Variants in KMT2C observed in about 807,000 individuals in gnomAD.
KMT2C encodes histone-lysine N-methyltransferase 2C.
A neutral mutation model predicts 507.9 loss-of-function variants in KMT2C; 88 were observed. That is an observed-to-expected ratio of 0.17 (90% CI 0.15 to 0.21). The LOEUF is 0.21. Ranked by LOEUF, KMT2C falls within the 10% of genes least tolerant of loss-of-function variation. The pLI is 1.00. For synonymous variants in KMT2C, 2,049 were observed against 2,080.8 expected (o/e 0.98, Z 0.42); for missense variants, 4,954 against 5,957.8 (o/e 0.83, Z 5.55).
chr7:152,221,348 G>A (rs1156733300), intron 22 of KMT2C, among the ~76,000 whole-genome samples: 1 of 152,184 alleles, frequency 6.6e-6, no homozygotes, highest in East Asian at 1.9e-4. Context: ...AATCCACTAT[G>A]AGCTTCTTCG....
intron 1 of KMT2C, among the ~76,000 whole-genome samples, chr7:152,395,054 A>C (rs954527739): frequency 3.9e-5 from 6 of 152,210 alleles, no homozygotes; most frequent in Admixed American, 6.5e-5. Flanking sequence ...TAATCAATTT[A>C]ACTCAATCGT....
chr7:152,296,999 AAG>A (rs1404667850), intron 6 of KMT2C, among the ~76,000 whole-genome samples: 2 of 48,242 alleles, frequency 4.1e-5, no homozygotes, highest in Non-Finnish European at 7.5e-5. Context: ...AAGAAAGAAA[AAG>A]AAAGAAAGAA....
chr7:152,355,087 T>C (rs561558889), intron 2 of KMT2C, among the ~76,000 whole-genome samples: 5 of 152,308 alleles, frequency 3.3e-5, no homozygotes, highest in African/African-American at 1.2e-4. Context: ...ATCCAGGATA[T>C]ACTGGGTAGG....
At chr7:152,159,171 A>G in intron 43 of KMT2C, 99 bp from the exon 44 acceptor site, 1 of 965,358 alleles carries the variant, frequency 1.0e-6, no homozygotes, top group Non-Finnish European at 1.6e-6. Flanking sequence ...CTAACATGGC[A>G]CTAAAAGGTA....
chr7:152,156,687 C>T (rs2092072473), intron 44 of KMT2C, among the ~76,000 whole-genome samples: 2 of 152,168 alleles, frequency 1.3e-5, no homozygotes, highest in Non-Finnish European at 2.9e-5. Flanking sequence ...AAAATGCAAT[C>T]AAGAAATTGC....
rs182093816 is a variant in KMT2C at position 152,337,772 on chromosome 7, T to C, written c.251-7033A>G. On this transcript the variant is annotated intron_variant, in intron 2 of 58. Coordinates refer to ENST00000262189, the MANE Select transcript of KMT2C (RefSeq NM_170606.3). The stretch of plus-strand genomic sequence containing the variant: ...TAGCTCAACGTCTTAAGTGTAGTGA[T>C]GTAGCTGCTATTCTGATGACCTCTA... Among the ~76,000 whole-genome samples the C allele has an allele frequency of 4.3e-3, 660 of 151,956 alleles. 1 individual carries two copies. Among genetic ancestry groups the C allele is most frequent in the Non-Finnish European group, 6.8e-3 (463 of 67,982 alleles).
chr7:152,209,696 C>A (rs2094407848), intron 23 of KMT2C, among the ~76,000 whole-genome samples: 1 of 146,816 alleles, frequency 6.8e-6, no homozygotes, highest in African/African-American at 2.5e-5. Flanking sequence ...GTTATGATCA[C>A]ACTACTGCAT....
rs756042912 is a variant in KMT2C, at chr7:152,343,945, T to C, written c.251-13206A>G. On this transcript the variant is annotated intron_variant, in intron 2 of 58. Transcript: ENST00000262189. Reference sequence around the variant, plus strand: ...GGTACAGGTCAAAAACTTAGACCTATATCAAGAAAGGAAGAGCATCTCAGA... The same window carrying C: ...GGTACAGGTCAAAAACTTAGACCTACATCAAGAAAGGAAGAGCATCTCAGA... 7.9e-5 allele frequency among the ~76,000 whole-genome samples: 12 copies of C among 152,152 alleles called. No individual in the cohort carries two copies. In the South Asian group the frequency reaches 1.0e-3, roughly 13 times the overall value.
chr7:152,423,138 C>A (rs1025225190), intron 1 of KMT2C, among the ~76,000 whole-genome samples: 1 of 151,770 alleles, frequency 6.6e-6, no homozygotes, highest in East Asian at 1.9e-4. Flanking sequence ...GTCAGGAGTT[C>A]GTACCAACCT....
chr7:152,226,219 CTTTTTTTT>C (rs869076803), intron 18 of KMT2C, among the ~76,000 whole-genome samples: 4 of 94,956 alleles, frequency 4.2e-5, no homozygotes, highest in African/African-American at 1.3e-4. Flanking sequence ...ATTACAAGGC[CTTTTTTTT>C]TTTTTTTTTT....
In KMT2C at chr7:152,171,311, T is replaced by C; in HGVS notation, c.9406A>G (p.Thr3136Ala). The C allele has an allele frequency of 6.2e-7, 1 of 1,608,956 alleles. No individual in the cohort carries two copies. Among genetic ancestry groups the C allele is most frequent in the Non-Finnish European group, 8.5e-7 (1 of 1,177,630 alleles). Reference sequence around the variant, plus strand: ...AGGTTCTGTCCTTCACTGTTCTGTGTTCCAGTTACCACCTGGCCCATAAAA... The same window carrying C: ...AGGTTCTGTCCTTCACTGTTCTGTGCTCCAGTTACCACCTGGCCCATAAAA... ...FPFMGQVVTG[T>A]QNSEGQNLGP... Residue 3136 changes from threonine to alanine, a missense_variant, in exon 40 of 59, where the codon ACA becomes GCA. Coordinates refer to ENST00000262189, the MANE Select transcript of KMT2C (RefSeq NM_170606.3).
rs2129120852 is a variant in KMT2C, at chr7:152,182,334, A to T, written c.5526T>A (p.Ser1842=). 1 of 1,614,066 alleles carries T rather than the reference A, an allele frequency of 6.2e-7. No individual in the cohort carries two copies. The highest frequency in any genetic ancestry group is 8.5e-7 in the Non-Finnish European group (1 of 1,180,000). ...KQPPSTPTST[S]SDDVFVKPQA... is the part of the protein sequence containing the mutation. ...GTGGCTTTACAAACACATCATCTGA[A>T]GATGTAGACGTAGGGGTACTGGGTG... Residue 1842 remains serine, a synonymous_variant, in exon 36 of 59, where the codon TCT becomes TCA. Transcript: ENST00000262189.
intron 18 of KMT2C, among the ~76,000 whole-genome samples, chr7:152,226,231 T>TTTC (rs1205463264): frequency 1.4e-5 from 2 of 139,436 alleles, no homozygotes; most frequent in African/African-American, 5.4e-5. Flanking sequence ...TTTTTTTTTT[T>TTTC]TTTTTTTTTT....
intron 14 of KMT2C, among the ~76,000 whole-genome samples, chr7:152,244,976 G>A (rs4024445): frequency 1.3e-5 from 2 of 149,556 alleles, no homozygotes; most frequent in South Asian, 2.1e-4. Context: ...TTTGATATTT[G>A]ATAATGGATG....
intron 43 of KMT2C, 56 bp from the exon 44 acceptor site, chr7:152,159,128 A>C: frequency 6.9e-7 from 1 of 1,439,560 alleles, no homozygotes; most frequent in Admixed American, 1.7e-5. Context: ...TTTGGTTTTT[A>C]GTTCATGCAG....
chr7:152,311,772 A>G (rs757764526), intron 5 of KMT2C, 26 bp downstream of exon 5: 1 of 1,519,166 alleles, frequency 6.6e-7, no homozygotes, highest in African/African-American at 1.4e-5. Context: ...ATTAAGAGGC[A>G]GTCATTATTG....
intron 5 of KMT2C, among the ~76,000 whole-genome samples, chr7:152,310,376 G>C (rs1393723362): frequency 1.3e-5 from 2 of 152,154 alleles, no homozygotes; most frequent in African/African-American, 4.8e-5. Context: ...GGGAACTTGA[G>C]ACCAGCCTGG....
At chr7:152,394,407 A>G (rs1589703307) in intron 1 of KMT2C, among the ~76,000 whole-genome samples, 1 of 152,426 alleles carries the variant, frequency 6.6e-6, no homozygotes, top group East Asian at 1.9e-4. Flanking sequence ...TGGCCCTTTC[A>G]GTTCTATGAA....
rs544323639 is a variant in KMT2C, at chr7:152,144,053, T to C, written c.14343+660A>G. Among the ~76,000 whole-genome samples the C allele has an allele frequency of 4.6e-5, 7 of 152,334 alleles. No homozygotes were observed. The South Asian group carries it at 1.2e-3, about 27-fold the overall frequency. The stretch of plus-strand genomic sequence containing the variant: ...TAATCTGGCAGTACTGAGGCCAATG[T>C]ACACAAACGGTAACATCACTCAGCA... On this transcript the variant is annotated intron_variant, in intron 55 of 58. Coordinates refer to ENST00000262189, the MANE Select transcript of KMT2C (RefSeq NM_170606.3). This position sits in a 1 kb window ranked among gnomAD's most constrained non-coding sequence, Gnocchi z 4.4.
Sources: gnomAD v4.1 joint callset for allele counts (sites outside exome capture counted in the v4.1 genomes callset) on GRCh38, gnomAD v4.1.1 for gene constraint, Gnocchi (gnomAD v3.1) non-coding constraint, MANE v1.5 for transcripts, NCBI Gene and HGNC (gene_info 2026-07-23, HGNC 2026-07-21) for gene names.